Variants in NBAS observed in about 807,000 individuals in gnomAD.
NBAS encodes NAG/BC035112 fusion.
NBAS carries 219 observed loss-of-function variants against 302.5 expected under a neutral mutation model. The ratio of observed to expected loss-of-function variants is 0.72; its 90% CI spans 0.65 to 0.81. The LOEUF (loss-of-function observed/expected upper bound fraction) is 0.81, where lower values mean the gene tolerates loss of function less well. Ranked by LOEUF, NBAS falls within the 30% of genes least tolerant of loss-of-function variation. The pLI is 0.00. For missense variants in NBAS, 2,932 were observed against 2,841.6 expected (o/e 1.03, Z -0.72); for synonymous variants, 1,118 against 1,021.6 (o/e 1.09, Z -1.80).
the NBAS span, among the ~76,000 whole-genome samples, chr2:15,157,934 T>C: frequency 6.6e-6 from 1 of 152,168 alleles, no homozygotes; most frequent in South Asian, 2.1e-4. Context: ...ATGCGCCTTG[T>C]AAACTGTGTT....
chr2:15,478,192 T>C (rs373789858), intron 13 of NBAS, 34 bp downstream of exon 13: 77 of 1,383,090 alleles, frequency 5.6e-5, no homozygotes, highest in Non-Finnish European at 7.7e-5. Flanking sequence ...AGGAGTATAT[T>C]AAGGTTTCAA....
At chr2:15,070,661 C>T in the NBAS span, among the ~76,000 whole-genome samples, 2 of 152,180 alleles carry the variant, frequency 1.3e-5, no homozygotes, top group Admixed American at 1.3e-4. Context: ...GGGGCCTATT[C>T]CCTTCCATGG....
chr2:14,850,047 C>T, the NBAS span, among the ~76,000 whole-genome samples: 5 of 137,876 alleles, frequency 3.6e-5, 1 homozygote, highest in African/African-American at 6.7e-5. Context: ...CAGCTAACAT[C>T]ATAATGACAG....
intron 21 of NBAS, among the ~76,000 whole-genome samples, chr2:15,457,376 GA>G (rs1679294314): frequency 6.6e-6 from 1 of 152,206 alleles, no homozygotes; most frequent in Non-Finnish European, 1.5e-5. Flanking sequence ...CACTCTCATA[GA>G]AGAATAAGGC....
chr2:14,935,109 C>T, the NBAS span, among the ~76,000 whole-genome samples: 1 of 152,126 alleles, frequency 6.6e-6, no homozygotes, highest in African/African-American at 2.4e-5. Flanking sequence ...TATTTTTTCT[C>T]CAATTACTTT....
At chr2:14,877,435 C>A in the NBAS span, among the ~76,000 whole-genome samples, 3 of 152,148 alleles carry the variant, frequency 2.0e-5, no homozygotes, top group Admixed American at 6.5e-5. Flanking sequence ...TCAGACCTAG[C>A]ATTTCTACAT....
intron 48 of NBAS, among the ~76,000 whole-genome samples, chr2:15,217,632 T>G (rs1666711574): frequency 1.3e-5 from 2 of 152,258 alleles, no homozygotes; most frequent in Non-Finnish European, 2.9e-5. Flanking sequence ...GGTCTAACCC[T>G]GCGTGCTAAA....
chr2:14,925,907 T>C, the NBAS span, among the ~76,000 whole-genome samples: 1 of 152,184 alleles, frequency 6.6e-6, no homozygotes, highest in African/African-American at 2.4e-5. Context: ...TTTGGATCAT[T>C]TTTGTTTCTC....
At chr2:15,272,666 A>C (rs1391713674) in intron 44 of NBAS, among the ~76,000 whole-genome samples, 3 of 152,244 alleles carry the variant, frequency 2.0e-5, no homozygotes, top group African/African-American at 7.2e-5. Context: ...AATCAGTAGA[A>C]AATCGCCTCT....
the NBAS span, among the ~76,000 whole-genome samples, chr2:14,948,241 C>G: frequency 6.6e-6 from 1 of 151,884 alleles, no homozygotes; most frequent in Non-Finnish European, 1.5e-5. Flanking sequence ...GGAAGTATTA[C>G]CTTCTTTTCC....
At position 15,438,740 on chromosome 2, in the gene NBAS, A is replaced by T. The variant is rs532432393; in HGVS notation, c.2340-10946T>A. ...GCCAGAGTAGCTAGAATTTACAGAC[A>T]ATGGATCAGAGAAGAACGTGCACTG... is the stretch of plus-strand genomic sequence containing the variant. On this transcript the variant is annotated intron_variant, in intron 21 of 51. Coordinates refer to ENST00000281513, the MANE Select transcript of NBAS (RefSeq NM_015909.4). Among the ~76,000 whole-genome samples, 75 of 152,282 alleles carry T rather than the reference A, an allele frequency of 4.9e-4. 3 individuals are homozygous for T. In the South Asian group the frequency reaches 0.015, roughly 30 times the overall value.
chr2:14,824,770 C>T, the NBAS span, among the ~76,000 whole-genome samples: 3 of 152,024 alleles, frequency 2.0e-5, no homozygotes, highest in Non-Finnish European at 2.9e-5. Flanking sequence ...TCGGCGATTG[C>T]GACTTGGAGG....
At chr2:15,334,267 G>A (rs1672479131) in intron 35 of NBAS, among the ~76,000 whole-genome samples, 1 of 151,534 alleles carries the variant, frequency 6.6e-6, no homozygotes, top group East Asian at 1.9e-4. Flanking sequence ...TCGGCTCACT[G>A]CAATCTCCGC....
chr2:15,034,106 AG>A, the NBAS span, among the ~76,000 whole-genome samples: 1 of 148,548 alleles, frequency 6.7e-6, no homozygotes, highest in Non-Finnish European at 1.5e-5. Context: ...GAGGAGAAGG[AG>A]AAGAAGGAGA....
At chr2:15,451,400 A>T (rs1679004034) in intron 21 of NBAS, among the ~76,000 whole-genome samples, 1 of 152,160 alleles carries the variant, frequency 6.6e-6, no homozygotes, top group Non-Finnish European at 1.5e-5. Flanking sequence ...TGGTGTCAAT[A>T]AAAAAGACAG....
At position 15,556,817 on chromosome 2, in the gene NBAS, G is replaced by C; in HGVS notation, c.175C>G (p.Arg59Gly). 2 of 1,609,750 alleles carry C rather than the reference G, an allele frequency of 1.2e-6. No homozygotes were observed. Among genetic ancestry groups the C allele is most frequent in the East Asian group, 2.2e-5 (1 of 44,698 alleles). ...SFIITKAIRD[R>G]LLFLRQYIWY... ...ATGTATTGGCGTAAAAATAATAAAC[G>C]ATCTGTAATCAAAAGAAATGGCAAA... Residue 59 changes from arginine (R) to glycine (G), a missense_variant and splice_region_variant, in exon 3 of 52, where the codon CGT becomes GGT. Arg to Gly is a moderately radical substitution (Grantham distance 125). Coordinates refer to ENST00000281513, the MANE Select transcript of NBAS (RefSeq NM_015909.4).
intron 9 of NBAS, among the ~76,000 whole-genome samples, chr2:15,524,531 A>G (rs1003971893): frequency 3.3e-5 from 5 of 152,212 alleles, no homozygotes; most frequent in African/African-American, 9.6e-5. Context: ...GAAGATGGAT[A>G]TCTAGTTCTG....
chr2:14,870,966 A>G, the NBAS span, among the ~76,000 whole-genome samples: 1 of 152,058 alleles, frequency 6.6e-6, no homozygotes, highest in Non-Finnish European at 1.5e-5. Context: ...ACATAAAAAA[A>G]AAGTCTGAGA....
chr2:15,336,270 T>A (rs901550392), intron 35 of NBAS, among the ~76,000 whole-genome samples: 2 of 152,198 alleles, frequency 1.3e-5, no homozygotes, highest in African/African-American at 4.8e-5. Context: ...ATATTTACTT[T>A]TTTGTTGTTC....
Sources: allele counts gnomAD v4.1 joint callset (sites outside exome capture counted in the v4.1 genomes callset), GRCh38; gene constraint gnomAD v4.1.1; transcripts MANE v1.5; gene names NCBI Gene and HGNC (gene_info 2026-07-23, HGNC 2026-07-21).